DLC1: variants seen among roughly 807,000 people sequenced by gnomAD.
DLC1 encodes DLC1 Rho GTPase activating protein, also known as rho GTPase-activating protein 7.
In DLC1, 54 loss-of-function variants were observed where a neutral mutation model predicts 140.3. That is an observed-to-expected ratio of 0.38 (90% CI 0.31 to 0.48). The LOEUF (loss-of-function observed/expected upper bound fraction) is 0.48, where lower values mean the gene tolerates loss of function less well. Among genes scored for constraint, DLC1 ranks in the 20% least tolerant of loss-of-function variants. The pLI is 0.96. For synonymous variants in DLC1, 986 were observed against 728.1 expected (o/e 1.35, Z -5.70); for missense variants, 2,536 against 1,907.0 (o/e 1.33, Z -6.14).
chr8:13,404,519 T>C (rs1373095629), intron 2 of DLC1, among the ~76,000 whole-genome samples: 1 of 152,236 alleles, frequency 6.6e-6, no homozygotes, highest in Admixed American at 6.5e-5. Context: ...GTTATAATTA[T>C]GGTTTAGTCA....
At chr8:13,562,123 T>C (rs1361841557) in intron 1 of DLC1, among the ~76,000 whole-genome samples, 1 of 152,014 alleles carries the variant, frequency 6.6e-6, no homozygotes, top group Admixed American at 6.6e-5. Flanking sequence ...CACAGAGCTG[T>C]ACACTAAAAG....
At chr8:13,131,099 G>A (rs962195349) in intron 5 of DLC1, among the ~76,000 whole-genome samples, 12 of 152,142 alleles carry the variant, frequency 7.9e-5, no homozygotes, top group African/African-American at 2.9e-4. Flanking sequence ...TTAGTTCTTC[G>A]ATTAGAGGGG....
rs1835653579 is a variant in DLC1, at chr8:13,369,903, A to G, written c.1314+23650T>C. Among the ~76,000 whole-genome samples the G allele has an allele frequency of 4.1e-5, 3 of 72,984 alleles. No homozygotes were observed. In the Admixed American group the frequency reaches 5.9e-4, roughly 14 times the overall value. The allele number at this position is 72,984 out of a possible 152,430, so 47.9% of individuals were successfully genotyped here. On this transcript the variant is annotated intron_variant, in intron 4 of 17. Transcript: ENST00000276297. ...CACTCAGAATAGAAGTCAAAGTCAGATTTAAAACTTAAAAAAAAAAAAAAT... is the reference window on the plus strand; with the variant it reads ...CACTCAGAATAGAAGTCAAAGTCAGGTTTAAAACTTAAAAAAAAAAAAAAT...
At position 13,310,902 on chromosome 8, in the gene DLC1, C is replaced by T. The variant is rs185099572; in HGVS notation, c.1315-5600G>A. ...TTCCCAATCTTCAGTTCTTCAAATACCACCTTCAGAATTTTTACTATATCC... is the reference window on the plus strand; with the variant it reads ...TTCCCAATCTTCAGTTCTTCAAATATCACCTTCAGAATTTTTACTATATCC... On this transcript the variant is annotated intron_variant, in intron 4 of 17. Transcript: ENST00000276297. 5.3e-3 allele frequency among the ~76,000 whole-genome samples: 813 copies of T among 152,228 alleles called. 9 individuals are homozygous for T. Among genetic ancestry groups the T allele is most frequent in the African/African-American group, 0.019 (779 of 41,538 alleles).
intron 5 of DLC1, among the ~76,000 whole-genome samples, chr8:13,202,707 A>C (rs1827457639): frequency 6.6e-6 from 1 of 151,638 alleles, no homozygotes; most frequent in African/African-American, 2.4e-5. Flanking sequence ...ATGCGGTCTC[A>C]CTGTTACCCA....
At chr8:13,587,519 G>A (rs1300579577) in intron 1 of DLC1, among the ~76,000 whole-genome samples, 14 of 144,242 alleles carry the variant, frequency 9.7e-5, no homozygotes, top group Non-Finnish European at 1.5e-4. Flanking sequence ...TAAAAATAAA[G>A]CTTTGAACAG....
chr8:13,452,395 A>G (rs1252528302), intron 2 of DLC1, among the ~76,000 whole-genome samples: 2 of 152,116 alleles, frequency 1.3e-5, no homozygotes, highest in African/African-American at 2.4e-5. Context: ...TATCCTATCT[A>G]TGGATAGAGG....
At chr8:13,091,454 G>C (rs533579543) in intron 13 of DLC1, 22 bp from the exon 14 acceptor site, 7 of 1,592,014 alleles carry the variant, frequency 4.4e-6, no homozygotes, top group Non-Finnish European at 6.0e-6. Context: ...AAATACAGGA[G>C]GGGAACAGTT....
intron 1 of DLC1, chr8:13,567,532 A>G (rs1467181513): frequency 6.4e-7 from 1 of 1,551,770 alleles, no homozygotes; most frequent in Non-Finnish European, 8.7e-7. Flanking sequence ...CTTTAAAAAC[A>G]TGAGGACAAC....
At chr8:13,492,155 AT>A (rs1365937667) in intron 2 of DLC1, among the ~76,000 whole-genome samples, 4 of 152,150 alleles carry the variant, frequency 2.6e-5, no homozygotes, top group Non-Finnish European at 4.4e-5. Context: ...AAAGTAAAAC[AT>A]TTGAGGATCT....
At chr8:13,505,349 GA>G (rs75044028) in intron 1 of DLC1, among the ~76,000 whole-genome samples, 23 of 150,100 alleles carry the variant, frequency 1.5e-4, no homozygotes, top group Admixed American at 3.3e-4. Flanking sequence ...GTTTAAAATA[GA>G]AAAAAAAATC....
intron 5 of DLC1, among the ~76,000 whole-genome samples, chr8:13,293,536 T>C (rs1010825169): frequency 6.6e-6 from 1 of 152,174 alleles, no homozygotes; most frequent in Non-Finnish European, 1.5e-5. Flanking sequence ...AATAAACAGA[T>C]TGATTCAAAA....
intron 2 of DLC1, among the ~76,000 whole-genome samples, chr8:13,469,853 G>C (rs72603975): frequency 0.077 from 11,788 of 152,238 alleles, 620 homozygotes; most frequent in East Asian, 0.15. Context: ...TTCCTGAAGA[G>C]AAAGCACATA....
intron 5 of DLC1, among the ~76,000 whole-genome samples, chr8:13,175,681 T>C (rs116035038): frequency 2.9e-3 from 440 of 152,320 alleles, no homozygotes; most frequent in Non-Finnish European, 4.8e-3. Flanking sequence ...AATTAACTAA[T>C]AGACCGCAGA....
intron 3 of DLC1, among the ~76,000 whole-genome samples, chr8:13,396,467 C>T (rs541784534): frequency 3.4e-4 from 52 of 152,176 alleles, no homozygotes; most frequent in African/African-American, 1.2e-3. Context: ...TAAAAACTAC[C>T]GTTTATTGCA....
At chr8:13,587,568 CAGAGAG>C (rs71519975) in intron 1 of DLC1, among the ~76,000 whole-genome samples, 110 of 144,380 alleles carry the variant, frequency 7.6e-4, no homozygotes, top group Non-Finnish European at 1.2e-3. Flanking sequence ...CACACACACA[CAGAGAG>C]AGAGAAAATA....
chr8:13,107,828 G>A (rs1470268305), intron 7 of DLC1, among the ~76,000 whole-genome samples: 1 of 152,064 alleles, frequency 6.6e-6, no homozygotes, highest in Admixed American at 6.5e-5. Flanking sequence ...CAAGGCAGGT[G>A]GATCAGGAGT....
At chr8:13,264,235 AT>A (rs547137183) in intron 5 of DLC1, among the ~76,000 whole-genome samples, 3 of 150,146 alleles carry the variant, frequency 2.0e-5, no homozygotes, top group Non-Finnish European at 3.0e-5. Context: ...TACCTGGCTA[AT>A]TTTTTTTTGT....
chr8:13,553,318 T>C (rs982148356), intron 1 of DLC1, among the ~76,000 whole-genome samples: 19 of 147,572 alleles, frequency 1.3e-4, no homozygotes, highest in African/African-American at 4.7e-4. Flanking sequence ...AATTTCTCCA[T>C]GCATGTACTA....
Sources: gnomAD v4.1 joint callset for allele counts (sites outside exome capture counted in the v4.1 genomes callset) on GRCh38, gnomAD v4.1.1 for gene constraint, MANE v1.5 for transcripts, NCBI Gene and HGNC (gene_info 2026-07-23, HGNC 2026-07-21) for gene names.